The following PMFBP1 variants were observed in gnomAD, a reference collection of about 807,000 sequenced individuals.
PMFBP1 encodes the protein polyamine modulated factor 1 binding protein 1, also known as polyamine-modulated factor 1-binding protein 1.
Under a neutral mutation model 137.8 loss-of-function variants are expected in PMFBP1, and 131 were observed. The observed-to-expected ratio is 0.95, with a 90% CI of 0.82 to 1.10. The LOEUF is 1.10. Among genes scored for constraint, PMFBP1 ranks in the 50% least tolerant of loss-of-function variants. PMFBP1 has a pLI of 0.00. For missense variants in PMFBP1, 1,199 were observed against 1,175.4 expected (o/e 1.02, Z -0.29); for synonymous variants, 490 against 450.4 (o/e 1.09, Z -1.11).
intron 7 of PMFBP1, among the ~76,000 whole-genome samples, chr16:72,137,772 G>A (rs1340646419): frequency 6.6e-6 from 1 of 152,180 alleles, no homozygotes; most frequent in Non-Finnish European, 1.5e-5. Flanking sequence ...TGGCTGGGGA[G>A]GAGCAATTCG....
chr16:72,147,224 T>C (rs2042822311), intron 5 of PMFBP1, among the ~76,000 whole-genome samples: 1 of 152,038 alleles, frequency 6.6e-6, no homozygotes, highest in Non-Finnish European at 1.5e-5. Context: ...ACACCACACA[T>C]CTACAACCCT....
the PMFBP1 span, among the ~76,000 whole-genome samples, chr16:72,213,692 T>A: frequency 6.6e-6 from 1 of 152,232 alleles, no homozygotes; most frequent in African/African-American, 2.4e-5. Flanking sequence ...TAAATACTCA[T>A]TGTTTTAAGC....
chr16:72,167,325 G>C (rs2043160242), intron 2 of PMFBP1, among the ~76,000 whole-genome samples: 2 of 151,986 alleles, frequency 1.3e-5, no homozygotes, highest in African/African-American at 4.8e-5. Flanking sequence ...AGTTTAATTA[G>C]GTTAACGGCA....
At chr16:72,126,913 G>A (rs1360891947) in intron 14 of PMFBP1, among the ~76,000 whole-genome samples, 1 of 152,168 alleles carries the variant, frequency 6.6e-6, no homozygotes, top group East Asian at 1.9e-4. Flanking sequence ...TAACTGTTTC[G>A]TGGAGTTTTT....
At position 72,129,140 on chromosome 16, in the gene PMFBP1, T is replaced by C. The variant is rs2042508929; in HGVS notation, c.1876A>G (p.Ser626Gly). Residue 626 changes from serine (S) to glycine (G), a missense_variant, in exon 13 of 21, where the codon AGC (serine) becomes GGC (glycine). Transcript: ENST00000237353. ...TCCATCAGCTTCTCATGCTCTTTGCTCTTCTTCAACTGCTCCCGTTTGTCC... is the reference window on the plus strand; with the variant it reads ...TCCATCAGCTTCTCATGCTCTTTGCCCTTCTTCAACTGCTCCCGTTTGTCC... ...LEDKREQLKK[S>G]KEHEKLMEGE... 6.2e-7 allele frequency: 1 copy of C among 1,614,146 alleles called. No homozygotes were observed.
At chr16:72,129,003 C>T in intron 13 of PMFBP1, 63 bp downstream of exon 13, 1 of 1,569,922 alleles carries the variant, frequency 6.4e-7, no homozygotes, top group Non-Finnish European at 8.6e-7. Flanking sequence ...CCCTGGAGGC[C>T]CAGGTGGGGT....
chr16:72,154,682 GTTC>G (rs1013377705), intron 3 of PMFBP1, among the ~76,000 whole-genome samples: 1 of 152,074 alleles, frequency 6.6e-6, no homozygotes, highest in Non-Finnish European at 1.5e-5. Flanking sequence ...AAAAAAAATG[GTTC>G]TTATCTACCA....
At chr16:72,192,748 A>G in the PMFBP1 span, among the ~76,000 whole-genome samples, 6 of 151,718 alleles carry the variant, frequency 4.0e-5, no homozygotes, top group South Asian at 2.1e-4. Context: ...CTAAAATACA[A>G]AAAATTAGCC....
the PMFBP1 span, among the ~76,000 whole-genome samples, chr16:72,242,143 T>C: frequency 6.6e-6 from 1 of 152,164 alleles, no homozygotes; most frequent in Non-Finnish European, 1.5e-5. Context: ...TTTTGAAAAT[T>C]CACCTTGATT....
At chr16:72,120,501 C>T (rs745635270) in intron 19 of PMFBP1, among the ~76,000 whole-genome samples, 19 of 152,238 alleles carry the variant, frequency 1.2e-4, no homozygotes, top group Non-Finnish European at 2.6e-4. Flanking sequence ...GCCTTGGAAA[C>T]ACTCTCACCC....
chr16:72,209,822 T>G, the PMFBP1 span, among the ~76,000 whole-genome samples: 2 of 152,186 alleles, frequency 1.3e-5, no homozygotes, highest in African/African-American at 2.4e-5. Context: ...TCCTGGCTAT[T>G]TGGCCATGGG....
chr16:72,219,282 G>T, the PMFBP1 span, among the ~76,000 whole-genome samples: 3 of 152,166 alleles, frequency 2.0e-5, no homozygotes, highest in African/African-American at 7.2e-5. Context: ...GTATTAGAAA[G>T]ACAGTGCCCT....
the PMFBP1 span, among the ~76,000 whole-genome samples, chr16:72,238,337 G>C: frequency 6.6e-6 from 1 of 152,134 alleles, no homozygotes; most frequent in Non-Finnish European, 1.5e-5. Context: ...TTTAATAATA[G>C]GCATTCTGAC....
intron 7 of PMFBP1, 77 bp downstream of exon 7, chr16:72,139,212 A>G (rs909374082): frequency 3.0e-6 from 3 of 1,015,146 alleles, no homozygotes; most frequent in African/African-American, 1.6e-5. Context: ...ATAAAAATAA[A>G]AAATAAGTAG....
intron 4 of PMFBP1, among the ~76,000 whole-genome samples, chr16:72,152,997 C>T (rs1255560232): frequency 2.0e-5 from 3 of 152,122 alleles, no homozygotes; most frequent in Non-Finnish European, 4.4e-5. Context: ...ATAACAGCAA[C>T]AGACCACCTG....
At chr16:72,244,093 C>T in the PMFBP1 span, among the ~76,000 whole-genome samples, 4 of 152,036 alleles carry the variant, frequency 2.6e-5, no homozygotes, top group African/African-American at 7.2e-5. Flanking sequence ...CCCTCAAAAA[C>T]AATTAAACGT....
chr16:72,197,149 G>A, the PMFBP1 span, among the ~76,000 whole-genome samples: 1 of 152,208 alleles, frequency 6.6e-6, no homozygotes, highest in East Asian at 1.9e-4. Flanking sequence ...CAATGCAAAA[G>A]AAGATCATGG....
chr16:72,236,833 G>A, the PMFBP1 span, among the ~76,000 whole-genome samples: 1 of 152,140 alleles, frequency 6.6e-6, no homozygotes, highest in Non-Finnish European at 1.5e-5. Context: ...ATGAAAATAA[G>A]TGATATGTAT....
intron 19 of PMFBP1, among the ~76,000 whole-genome samples, chr16:72,121,902 T>C (rs945500650): frequency 5.3e-5 from 8 of 152,222 alleles, no homozygotes; most frequent in Admixed American, 3.9e-4. Context: ...TTCACTTTTA[T>C]TTTATTTTCA....
Sources: allele counts gnomAD v4.1 joint callset (sites outside exome capture counted in the v4.1 genomes callset), GRCh38; gene constraint gnomAD v4.1.1; transcripts MANE v1.5; gene names NCBI Gene and HGNC (gene_info 2026-07-23, HGNC 2026-07-21).